PCDHGA2: variants seen among roughly 807,000 people sequenced by gnomAD.
PCDHGA2 encodes the protein protocadherin gamma-A2.
PCDHGA2 carries 40 observed loss-of-function variants against 59.2 expected under a neutral mutation model. The ratio of observed to expected loss-of-function variants is 0.68; its 90% CI spans 0.52 to 0.88. The LOEUF (loss-of-function observed/expected upper bound fraction) is 0.88, where lower values mean the gene tolerates loss of function less well. Ranked by LOEUF, PCDHGA2 falls within the 40% of genes least tolerant of loss-of-function variation. The pLI, the probability that PCDHGA2 is intolerant of heterozygous loss-of-function variation, is 0.00. For synonymous variants in PCDHGA2, 560 were observed against 526.0 expected, an observed-to-expected ratio of 1.06 and a Z score of -0.89; for missense variants, 1,226 against 1,204.0, an observed-to-expected ratio of 1.02 and a Z score of -0.27.
intron 1 of PCDHGA2, chr5:141,346,328 G>A (rs775563489): frequency 3.1e-6 from 5 of 1,614,234 alleles, no homozygotes; most frequent in Non-Finnish European, 3.4e-6. Context: ...ACTCGCGGAA[G>A]AGCCACCTGA....
chr5:141,344,061 G>A, intron 1 of PCDHGA2: 1 of 1,568,532 alleles, frequency 6.4e-7, no homozygotes. Flanking sequence ...TTTCCGAAAT[G>A]GCAGAGGACT....
At chr5:141,392,273 GC>G (rs1371015127) in intron 1 of PCDHGA2, 1 of 152,178 alleles carries the variant, frequency 6.6e-6, no homozygotes, top group Non-Finnish European at 1.5e-5. Flanking sequence ...TTACAATAAA[GC>G]TTAGAGCACA....
At chr5:141,449,933 G>A (rs1012332454) in intron 1 of PCDHGA2, among the ~76,000 whole-genome samples, 1 of 149,752 alleles carries the variant, frequency 6.7e-6, no homozygotes, top group African/African-American at 2.5e-5. Flanking sequence ...ATACCTTATA[G>A]TATATTTTAC....
At chr5:141,415,396 G>C (rs11575962) in intron 1 of PCDHGA2, 2 of 1,614,204 alleles carry the variant, frequency 1.2e-6, no homozygotes, top group Non-Finnish European at 1.7e-6. Flanking sequence ...AGGTGTGTCC[G>C]GCTCGCACTT....
At chr5:141,457,175 A>C (rs1447297536) in intron 1 of PCDHGA2, among the ~76,000 whole-genome samples, 2 of 152,192 alleles carry the variant, frequency 1.3e-5, no homozygotes, top group Non-Finnish European at 2.9e-5. Flanking sequence ...ACCCTATTGC[A>C]AATAGTAGAG....
intron 1 of PCDHGA2, chr5:141,351,029 T>C: frequency 6.2e-7 from 1 of 1,614,044 alleles, no homozygotes; most frequent in Non-Finnish European, 8.5e-7. Context: ...GTGGGGAACC[T>C]CCGTGCTGCG....
Position 141,489,560 on chromosome 5 carries a change from A to G in PCDHGA2, c.2425-5247A>G. On this transcript the variant is annotated intron_variant, in intron 1 of 3. Coordinates refer to ENST00000394576, the MANE Select transcript of PCDHGA2 (RefSeq NM_018915.4). The surrounding 1 kb of genome is among the most constrained non-coding windows in gnomAD (Gnocchi z 4.5). Reference sequence around the variant, plus strand: ...AGCACCAGCTGCCTGCTGCCAGTGCAGGTGGTGACTGAACACCCCCTGGAG... The same window carrying G: ...AGCACCAGCTGCCTGCTGCCAGTGCGGGTGGTGACTGAACACCCCCTGGAG... 1.2e-6 allele frequency: 2 copies of G among 1,614,142 alleles called. No homozygotes were observed. The highest frequency in any genetic ancestry group is 1.7e-6 in the Non-Finnish European group (2 of 1,180,030).
intron 3 of PCDHGA2, among the ~76,000 whole-genome samples, chr5:141,509,353 C>A (rs2099876446): frequency 6.6e-6 from 1 of 152,170 alleles, no homozygotes; most frequent in Non-Finnish European, 1.5e-5. Context: ...CTGGCCTGGG[C>A]ATCCCTGAGG....
rs2099710385 is a variant in PCDHGA2 at position 141,491,296 on chromosome 5, G to A, written c.2425-3511G>A. 6.2e-7 allele frequency: 1 copy of A among 1,614,034 alleles called. No individual in the cohort carries two copies. Among genetic ancestry groups the A allele is most frequent in the African/African-American group, 1.3e-5 (1 of 74,924 alleles). Reference sequence around the variant, plus strand: ...CAGTGACTTCCTCATACACCCTCCTGAGCGTTCAGACCTTACCCTTTACCT... The same window carrying A: ...CAGTGACTTCCTCATACACCCTCCTAAGCGTTCAGACCTTACCCTTTACCT... On this transcript the variant is annotated intron_variant, in intron 1 of 3. Transcript: ENST00000394576. The surrounding 1 kb of genome is among the most constrained non-coding windows in gnomAD (Gnocchi z 6.9).
chr5:141,395,489 A>C (rs1268928793), intron 1 of PCDHGA2: 1 of 480,438 alleles, frequency 2.1e-6, no homozygotes, highest in Non-Finnish European at 3.6e-6. Flanking sequence ...TCCTATTATC[A>C]CTCATTCACT....
rs1175280816 is a variant in PCDHGA2 at position 141,511,121 on chromosome 5, C to T, written c.2747C>T (p.Pro916Leu). 2 of 1,614,102 alleles carry T rather than the reference C, an allele frequency of 1.2e-6. No homozygotes were observed. Among genetic ancestry groups the T allele is most frequent in the African/African-American group, 1.3e-5 (1 of 74,938 alleles). Residue 916 changes from proline (P) to leucine (L), a missense_variant, in exon 4 of 4, where the codon CCA becomes CTA. Transcript: ENST00000394576. ...GCTGGCAAGCGGGATGGCAAGGCCCCAGCAGGTGGCAATGGCAACAAGAAG... is the reference window on the plus strand; with the variant it reads ...GCTGGCAAGCGGGATGGCAAGGCCCTAGCAGGTGGCAATGGCAACAAGAAG... ...NAAGKRDGKA[P>L]AGGNGNKKKS...
intron 1 of PCDHGA2, chr5:141,357,093 C>T: frequency 1.2e-6 from 2 of 1,613,876 alleles, no homozygotes; most frequent in Non-Finnish European, 8.5e-7. Flanking sequence ...CCGCACGGGC[C>T]CTGCTGGACA....
chr5:141,351,755 T>C (rs1758807882), intron 1 of PCDHGA2: 1 of 1,613,480 alleles, frequency 6.2e-7, no homozygotes, highest in Admixed American at 1.7e-5. Flanking sequence ...GGAGCTGTTG[T>C]CCTACGTGTC....
intron 1 of PCDHGA2, chr5:141,419,601 C>T (rs753678898): frequency 6.2e-7 from 1 of 1,611,818 alleles, no homozygotes; most frequent in South Asian, 1.1e-5. Context: ...GTGCCGCGGG[C>T]CGCGCAGCCA....
intron 1 of PCDHGA2, among the ~76,000 whole-genome samples, chr5:141,465,219 C>A (rs1272266733): frequency 6.6e-6 from 1 of 152,004 alleles, no homozygotes; most frequent in Non-Finnish European, 1.5e-5. Context: ...TATTTTTCAA[C>A]ATGAGCTCCA....
chr5:141,479,838 C>T (rs539142918), intron 1 of PCDHGA2, among the ~76,000 whole-genome samples: 1 of 152,298 alleles, frequency 6.6e-6, no homozygotes, highest in African/African-American at 2.4e-5. Context: ...GGTATCCATG[C>T]AAGGTGACTG....
chr5:141,501,945 T>G (rs1318749969), intron 2 of PCDHGA2, among the ~76,000 whole-genome samples: 5 of 152,106 alleles, frequency 3.3e-5, no homozygotes, highest in African/African-American at 1.2e-4. Context: ...CACTGCTCCC[T>G]GTGACAGGTC....
chr5:141,393,586 G>A lies in PCDHGA2; in HGVS notation c.2424+52191G>A, dbSNP rs1486061309. 2 of 1,613,922 alleles carry A rather than the reference G, an allele frequency of 1.2e-6. No individual in the cohort carries two copies. Among genetic ancestry groups the A allele is most frequent in the Admixed American group, 3.3e-5 (2 of 60,028 alleles). ...AAAGTCCTTGAGAACATGCCCCCAGGCACGCGGCTGCTTACTGTAACAGCC... is the reference window on the plus strand; with the variant it reads ...AAAGTCCTTGAGAACATGCCCCCAGACACGCGGCTGCTTACTGTAACAGCC... On this transcript the variant is annotated intron_variant, in intron 1 of 3. Transcript: ENST00000394576.
At chr5:141,395,251 T>G (rs2093205315) in intron 1 of PCDHGA2, 2 of 1,557,062 alleles carry the variant, frequency 1.3e-6, no homozygotes, top group Non-Finnish European at 1.7e-6. Context: ...AGTTTAGTTC[T>G]TTGCTTGCTT....
Sources: allele counts gnomAD v4.1 joint callset (sites outside exome capture counted in the v4.1 genomes callset), GRCh38; gene constraint gnomAD v4.1.1; non-coding constraint Gnocchi (gnomAD v3.1); transcripts MANE v1.5; gene names NCBI Gene and HGNC (gene_info 2026-07-23, HGNC 2026-07-21).